Variants in DOK6 observed in about 807,000 individuals in gnomAD.
DOK6 encodes docking protein 6, also known as downstream of tyrosine kinase 6.
DOK6 carries 22 observed loss-of-function variants against 44.0 expected under a neutral mutation model. That is an observed-to-expected ratio of 0.50 (90% CI 0.36 to 0.71). The LOEUF is 0.71. DOK6 is among the 30% of genes least tolerant of loss of function. DOK6 has a pLI of 0.00. For missense variants in DOK6, 340 were observed against 416.4 expected (o/e 0.82, Z 1.60); for synonymous variants, 166 against 145.5 (o/e 1.14, Z -1.01).
intron 2 of DOK6, among the ~76,000 whole-genome samples, chr18:69,592,799 A>C (rs7230674): frequency 0.11 from 16,860 of 152,214 alleles, 1,068 homozygotes; most frequent in East Asian, 0.26. Flanking sequence ...TGATGCAATA[A>C]TTTACCGATA....
At chr18:69,424,487 A>G (rs1407758662) in intron 1 of DOK6, among the ~76,000 whole-genome samples, 10 of 152,186 alleles carry the variant, frequency 6.6e-5, no homozygotes, top group African/African-American at 1.7e-4. Context: ...AATGCCATCT[A>G]TATTTTAAAT....
intron 7 of DOK6, among the ~76,000 whole-genome samples, chr18:69,789,367 T>C (rs374504548): frequency 6.6e-6 from 1 of 152,202 alleles, no homozygotes; most frequent in Non-Finnish European, 1.5e-5. Flanking sequence ...CAAAAATTAA[T>C]GCTTGCATTA....
intron 7 of DOK6, among the ~76,000 whole-genome samples, chr18:69,810,480 A>G (rs767555334): frequency 2.3e-4 from 35 of 152,044 alleles, no homozygotes; most frequent in Non-Finnish European, 4.6e-4. Flanking sequence ...ATTACATCAA[A>G]CTAATAAGCT....
chr18:69,417,998 C>T (rs532283544), intron 1 of DOK6, among the ~76,000 whole-genome samples: 5 of 152,026 alleles, frequency 3.3e-5, no homozygotes, highest in African/African-American at 1.2e-4. Flanking sequence ...TTTTTCCTAT[C>T]GTGTAGGTTT....
At chr18:69,665,413 C>G (rs1027696178) in intron 3 of DOK6, among the ~76,000 whole-genome samples, 1 of 152,066 alleles carries the variant, frequency 6.6e-6, no homozygotes, top group Non-Finnish European at 1.5e-5. Flanking sequence ...ATTATTTGTA[C>G]CTAATTATAG....
At chr18:69,541,146 C>A (rs986531303) in intron 1 of DOK6, among the ~76,000 whole-genome samples, 2 of 151,882 alleles carry the variant, frequency 1.3e-5, no homozygotes, top group African/African-American at 2.4e-5. Flanking sequence ...TTGAAGGCAA[C>A]TATGAGTTTT....
At chr18:69,627,077 C>T (rs72959699) in intron 3 of DOK6, among the ~76,000 whole-genome samples, 9,785 of 152,154 alleles carry the variant, frequency 0.064, 343 homozygotes, top group Middle Eastern at 0.12. Flanking sequence ...CGCAGTGAGA[C>T]GGGCAGTCAT....
intron 7 of DOK6, among the ~76,000 whole-genome samples, chr18:69,816,095 A>G (rs901889908): frequency 6.6e-6 from 1 of 152,182 alleles, no homozygotes; most frequent in Non-Finnish European, 1.5e-5. Context: ...AAAAAGACCA[A>G]ACATAGCAAT....
intron 3 of DOK6, among the ~76,000 whole-genome samples, chr18:69,621,788 G>T (rs940877136): frequency 6.6e-6 from 1 of 151,992 alleles, no homozygotes; most frequent in Non-Finnish European, 1.5e-5. Flanking sequence ...CCTTTCTTTT[G>T]GAACATAGTT....
At chr18:69,738,819 G>A in intron 5 of DOK6, 146 bp from the exon 6 acceptor site, 1 of 879,526 alleles carries the variant, frequency 1.1e-6, no homozygotes, top group Non-Finnish European at 1.7e-6. Flanking sequence ...CTTTTTGGTT[G>A]GTTTGGTTAC....
intron 3 of DOK6, among the ~76,000 whole-genome samples, chr18:69,611,791 A>G (rs1465599381): frequency 6.6e-6 from 1 of 152,246 alleles, no homozygotes; most frequent in Non-Finnish European, 1.5e-5. Context: ...AATGGAGGAC[A>G]GATTAGTAGT....
chr18:69,768,002 C>A (rs1979770364), intron 7 of DOK6, among the ~76,000 whole-genome samples: 1 of 152,138 alleles, frequency 6.6e-6, no homozygotes, highest in African/African-American at 2.4e-5. Context: ...CTCTTTAATT[C>A]AAATTTGGTG....
chr18:69,634,447 A>G (rs1489042960), intron 3 of DOK6, among the ~76,000 whole-genome samples: 1 of 152,218 alleles, frequency 6.6e-6, no homozygotes, highest in African/African-American at 2.4e-5. Flanking sequence ...TAGTCCCGGT[A>G]ATTTCACAAT....
At chr18:69,617,514 GAAAAGAAAGAAAGGAAA>G (rs1319106630) in intron 3 of DOK6, among the ~76,000 whole-genome samples, 8 of 21,620 alleles carry the variant, frequency 3.7e-4, no homozygotes, top group Non-Finnish European at 7.7e-4. Flanking sequence ...GAGAAAGAAA[GAAAAGAAAGAAAGGAAA>G]GAAAGAAAAG....
At chr18:69,480,323 AG>A (rs1304933562) in intron 1 of DOK6, among the ~76,000 whole-genome samples, 2 of 152,098 alleles carry the variant, frequency 1.3e-5, no homozygotes, top group African/African-American at 4.8e-5. Flanking sequence ...TGAGATGAAA[AG>A]TTTACCACTC....
chr18:69,676,804 C>T (rs1985932124), intron 3 of DOK6, among the ~76,000 whole-genome samples: 1 of 152,138 alleles, frequency 6.6e-6, no homozygotes, highest in East Asian at 1.9e-4. Context: ...GATCCTAACC[C>T]TTGGCTACCT....
intron 7 of DOK6, among the ~76,000 whole-genome samples, chr18:69,781,153 G>A (rs1302383880): frequency 6.6e-6 from 1 of 152,084 alleles, no homozygotes; most frequent in Non-Finnish European, 1.5e-5. Context: ...AGAGGAAACT[G>A]TCAGAAGACA....
chr18:69,633,031 A>G (rs1984725058), intron 3 of DOK6, among the ~76,000 whole-genome samples: 1 of 152,220 alleles, frequency 6.6e-6, no homozygotes, highest in Non-Finnish European at 1.5e-5. Context: ...TGTCTGGTCC[A>G]TGCATGGACT....
intron 7 of DOK6, among the ~76,000 whole-genome samples, chr18:69,783,508 A>T (rs1377823516): frequency 2.0e-5 from 3 of 152,210 alleles, no homozygotes; most frequent in Non-Finnish European, 4.4e-5. Flanking sequence ...TTTATATACT[A>T]CGTGCATTGG....
Sources: gnomAD v4.1 joint callset for allele counts (sites outside exome capture counted in the v4.1 genomes callset) on GRCh38, gnomAD v4.1.1 for gene constraint, MANE v1.5 for transcripts, NCBI Gene and HGNC (gene_info 2026-07-23, HGNC 2026-07-21) for gene names.